SLC2A8: variants seen among roughly 807,000 people sequenced by gnomAD.
SLC2A8 encodes the protein solute carrier family 2, facilitated glucose transporter member 8.
SLC2A8 carries 53 observed loss-of-function variants against 49.2 expected under a neutral mutation model. That is an observed-to-expected ratio of 1.08 (90% CI 0.86 to 1.35). SLC2A8 has a LOEUF of 1.35. SLC2A8 is among the 40% of genes most tolerant of loss of function. SLC2A8 has a pLI of 0.00. For missense variants in SLC2A8, 688 were observed against 671.7 expected (o/e 1.02, Z -0.27); for synonymous variants, 299 against 297.0 (o/e 1.01, Z -0.07).
intron 3 of SLC2A8, chr9:127,398,362 A>G (rs1320600618): frequency 2.6e-6 from 2 of 767,724 alleles, no homozygotes; most frequent in African/African-American, 3.4e-5. Context: ...GGCGAGGTCC[A>G]CAGCTAGTCA....
rs199981418 is a variant in SLC2A8, at chr9:127,405,420, G to A, written c.1151G>A (p.Gly384Asp). The change falls in exon 9 of 10, where the codon GGC becomes GAC. Residue 384 changes from glycine (G) to aspartate (D), a missense_variant and splice_region_variant. Physicochemically the swap from Gly to Asp is moderately conservative, Grantham distance 94 (BLOSUM62 -1). Transcript: ENST00000373371. ...AVGSMCLFIA[G>D]FAVGWGPIPW... Reference sequence around the variant, plus strand: ...TGTCTTGCCTGTCTCGCTCCCACAGGCTTTGCGGTGGGCTGGGGGCCCATC... The same window carrying A: ...TGTCTTGCCTGTCTCGCTCCCACAGACTTTGCGGTGGGCTGGGGGCCCATC... 1 of 1,612,488 alleles carries A rather than the reference G, an allele frequency of 6.2e-7. No individual in the cohort carries two copies. The highest frequency in any genetic ancestry group is 2.2e-5 in the East Asian group (1 of 44,864).
chr9:127,400,236 C>T (rs528063308), intron 4 of SLC2A8, among the ~76,000 whole-genome samples: 2 of 148,142 alleles, frequency 1.4e-5, no homozygotes, highest in South Asian at 4.4e-4. Context: ...TGGCTCTCTG[C>T]AACCTCTGCC....
At chr9:127,400,407 C>T (rs1051609756) in intron 4 of SLC2A8, among the ~76,000 whole-genome samples, 3 of 152,114 alleles carry the variant, frequency 2.0e-5, no homozygotes, top group Non-Finnish European at 4.4e-5. Context: ...ACCGCCAAAC[C>T]TCAGCTTCCC....
At position 127,404,978 on chromosome 9, in the gene SLC2A8, C is replaced by T. The variant is rs1243211212; in HGVS notation, c.1137C>T (p.Cys379=). 1 of 1,603,154 alleles carries T rather than the reference C, an allele frequency of 6.2e-7. No individual in the cohort carries two copies. The highest frequency in any genetic ancestry group is 1.1e-5 in the South Asian group (1 of 90,878). ...CCTGGCTGGCCGTGGGCAGCATGTG[C>T]CTCTTCATCGCCGGTAAGGGGGCCT... ...GLAWLAVGSM[C]LFIAGFAVGW... The change falls in exon 8 of 10, where the codon TGC becomes TGT. Residue 379 remains cysteine, a synonymous_variant. Coordinates refer to ENST00000373371, the MANE Select transcript of SLC2A8 (RefSeq NM_014580.5).
rs1833211772 is a variant in SLC2A8 at position 127,399,959 on chromosome 9, G to GT, written c.480dup (p.Val161CysfsTer80). 1.2e-6 allele frequency: 2 copies of GT among 1,613,714 alleles called. No individual in the cohort carries two copies. On this transcript the variant is annotated frameshift_variant, in exon 4 of 10. Transcript: ENST00000373371. LOFTEE classifies it high-confidence loss of function. This position sits in a 1 kb window ranked among gnomAD's most constrained non-coding sequence, Gnocchi z 4.2. The stretch of plus-strand genomic sequence containing the variant: ...GCAGTCCGGGGGTTGCTCGGCTCCT[G>GT]TGTGCAGCTAATGGTCGTCGTCGGC...
At chr9:127,404,136 CAGG>C in intron 7 of SLC2A8, 69 bp downstream of exon 7, 3 of 1,063,048 alleles carry the variant, frequency 2.8e-6, no homozygotes, top group South Asian at 1.4e-5. Context: ...CACCACACTG[CAGG>C]AGGAGGACAG....
chr9:127,404,192 GA>G, intron 7 of SLC2A8, 125 bp downstream of exon 7: 1 of 668,218 alleles, frequency 1.5e-6, no homozygotes, highest in South Asian at 1.9e-5. Flanking sequence ...ATGCGGCCAT[GA>G]TTTGACAGCA....
chr9:127,398,065 G>T lies in SLC2A8; in HGVS notation c.380G>T (p.Arg127Leu). 8 of 1,588,584 alleles carry T rather than the reference G, an allele frequency of 5.0e-6. No homozygotes were observed. Among genetic ancestry groups the T allele is most frequent in the Non-Finnish European group, 6.8e-6 (8 of 1,173,438 alleles). ...GACGTGTGGATGCTGCTGGGGGGCC[G>T]CCTCCTCACCGGCCTGGCCTGCGGT... ...AQDVWMLLGG[R>L]LLTGLACGVA... Residue 127 changes from arginine (R) to leucine (L), a missense_variant, in exon 3 of 10, where the codon CGC becomes CTC. Coordinates refer to ENST00000373371, the MANE Select transcript of SLC2A8 (RefSeq NM_014580.5).
rs1833541362 is a variant in SLC2A8 at position 127,407,824 on chromosome 9, TG to T, written c.*578del. ...GGCTACTTCCTTGGGCTCAGTTCCC[TG>T]GGTCATCAGCCATCAAATCTTGTTG... is the stretch of plus-strand genomic sequence containing the variant. On this transcript the variant is annotated 3_prime_UTR_variant, in exon 10 of 10. Coordinates refer to ENST00000373371, the MANE Select transcript of SLC2A8 (RefSeq NM_014580.5). 1 of 152,174 alleles carries T rather than the reference TG, an allele frequency of 6.6e-6. No individual in the cohort carries two copies. The highest frequency in any genetic ancestry group is 2.0e-4 in the South Asian group (1 of 4,916). The allele number at this position is 152,174 out of a possible 1,614,324, so 9.4% of individuals were successfully genotyped here.
At chr9:127,400,837 G>A (rs1425869417) in intron 4 of SLC2A8, among the ~76,000 whole-genome samples, 4 of 152,178 alleles carry the variant, frequency 2.6e-5, no homozygotes, top group Admixed American at 6.5e-5. Context: ...GCTCACACCT[G>A]TAATCCCAGC....
chr9:127,404,919 T>G lies in SLC2A8; in HGVS notation c.1078T>G (p.Ser360Ala), dbSNP rs760853342. 1.2e-6 allele frequency: 2 copies of G among 1,612,506 alleles called. No individual in the cohort carries two copies. Among genetic ancestry groups the G allele is most frequent in the South Asian group, 2.2e-5 (2 of 91,074 alleles). Reference protein sequence around the residue: ...SSHVAISAPVSAQPVDASVGL... With the variant: ...SSHVAISAPVAAQPVDASVGL... ...GCACGTGGCCATCTCGGCGCCTGTC[T>G]CTGCACAGCCTGTTGATGCCAGCGT... Residue 360 changes from serine to alanine, a missense_variant, in exon 8 of 10, where the codon TCT becomes GCT. Ser to Ala is a moderately conservative substitution (Grantham distance 99). Transcript: ENST00000373371.
At position 127,399,167 on chromosome 9, in the gene SLC2A8, T is replaced by G. The variant is rs1244583182; in HGVS notation, c.427-740T>G. On this transcript the variant is annotated intron_variant, in intron 3 of 9. Transcript: ENST00000373371. This position sits in a 1 kb window ranked among gnomAD's most constrained non-coding sequence, Gnocchi z 4.2. Reference sequence around the variant, plus strand: ...CGAGGCAGAGAGTTCGTGCTTCTAGTCCAAGGCCACCACTCAAAGCGTGGG... The same window carrying G: ...CGAGGCAGAGAGTTCGTGCTTCTAGGCCAAGGCCACCACTCAAAGCGTGGG... Among the ~76,000 whole-genome samples, 1 of 152,208 alleles carries G rather than the reference T, an allele frequency of 6.6e-6. No individual in the cohort carries two copies. Among genetic ancestry groups the G allele is most frequent in the Non-Finnish European group, 1.5e-5 (1 of 68,042 alleles).
chr9:127,397,763 C>T (rs1833092629), intron 2 of SLC2A8, 142 bp from the exon 3 acceptor site: 1 of 1,068,294 alleles, frequency 9.4e-7, no homozygotes. Flanking sequence ...GGACGAGCAC[C>T]GGGCCCCTCA....
intron 8 of SLC2A8, 44 bp downstream of exon 8, chr9:127,405,035 C>T (rs201383934): frequency 1.3e-6 from 2 of 1,559,034 alleles, no homozygotes; most frequent in Middle Eastern, 1.7e-4. Context: ...GGGAGGTGAT[C>T]CCCCCGGCCC....
intron 9 of SLC2A8, 145 bp from the exon 10 acceptor site, chr9:127,406,966 TG>T (rs971309393): frequency 2.1e-4 from 174 of 841,774 alleles, no homozygotes; most frequent in Admixed American, 1.4e-3. Context: ...GTCCCAGAGC[TG>T]GGTGGAGATA....
intron 4 of SLC2A8, among the ~76,000 whole-genome samples, chr9:127,401,408 A>C (rs1161090531): frequency 6.6e-6 from 1 of 152,272 alleles, no homozygotes; most frequent in African/African-American, 2.4e-5. Flanking sequence ...AGCCCTCTGC[A>C]TCGTCAGGGC....
chr9:127,403,271 T>A, intron 5 of SLC2A8: 1 of 86,456 alleles, frequency 1.2e-5, no homozygotes, highest in South Asian at 1.8e-4. Flanking sequence ...GTGGGGAGGG[T>A]GGGGTCAGCG....
rs755357612 is a variant in SLC2A8 at position 127,404,863 on chromosome 9, A to C, written c.1022A>C (p.Lys341Thr). 6.2e-6 allele frequency: 10 copies of C among 1,612,570 alleles called. No individual in the cohort carries two copies. The highest frequency in any genetic ancestry group is 1.3e-5 in the African/African-American group (1 of 74,916). ...FSTSAFGAYF[K>T]LTQGGPGNSS... ...ACGAGTGCCTTCGGCGCCTACTTCA[A>C]GCTGACCCAGGGTGGCCCTGGCAAC... The change falls in exon 8 of 10, where the codon AAG becomes ACG. Residue 341 changes from lysine (K) to threonine (T), a missense_variant. Physicochemically the swap from Lys to Thr is moderately conservative, Grantham distance 78. Coordinates refer to ENST00000373371, the MANE Select transcript of SLC2A8 (RefSeq NM_014580.5).
chr9:127,406,886 C>A (rs1020125180), intron 9 of SLC2A8, among the ~76,000 whole-genome samples: 4 of 152,220 alleles, frequency 2.6e-5, no homozygotes, highest in Admixed American at 2.6e-4. Context: ...GTTTCCCCAG[C>A]CATACGACCT....
Sources: gnomAD v4.1 joint callset for allele counts (sites outside exome capture counted in the v4.1 genomes callset) on GRCh38, gnomAD v4.1.1 for gene constraint, Gnocchi (gnomAD v3.1) non-coding constraint, MANE v1.5 for transcripts, NCBI Gene and HGNC (gene_info 2026-07-23, HGNC 2026-07-21) for gene names.